Variants in STXBP5 observed in about 807,000 individuals in gnomAD.
STXBP5 encodes syntaxin-binding protein 5.
A neutral mutation model predicts 152.4 loss-of-function variants in STXBP5; 50 were observed. The ratio of observed to expected loss-of-function variants is 0.33; its 90% CI spans 0.26 to 0.42. The LOEUF is 0.42. Among genes scored for constraint, STXBP5 ranks in the 10% least tolerant of loss-of-function variants. The pLI is 1.00. For synonymous variants in STXBP5, 492 were observed against 494.7 expected (o/e 0.99, Z 0.07); for missense variants, 1,167 against 1,388.6 (o/e 0.84, Z 2.54).
At chr6:147,298,796 A>G (rs1781660533) in intron 9 of STXBP5, among the ~76,000 whole-genome samples, 2 of 152,060 alleles carry the variant, frequency 1.3e-5, no homozygotes, top group South Asian at 4.1e-4. Flanking sequence ...GGGAAAACAC[A>G]ATATACTGAG....
rs1156930757 is a variant in STXBP5, at chr6:147,386,679, A to G, written c.*1924A>G. ...ATAAATTGCTTAATTTGTGTTATCT[A>G]TTATCCAGTAAACCCATAGTTCCAT... On this transcript the variant is annotated 3_prime_UTR_variant, in exon 28 of 28. Coordinates refer to ENST00000321680, the MANE Select transcript of STXBP5 (RefSeq NM_001127715.4). The G allele has an allele frequency of 6.6e-6, 1 of 151,858 alleles. No homozygotes were observed. Among genetic ancestry groups the G allele is most frequent in the Non-Finnish European group, 1.5e-5 (1 of 67,806 alleles). 9.4% of individuals were successfully genotyped at this position (151,858 alleles called of 1,614,324 possible).
intron 9 of STXBP5, 80 bp from the exon 10 acceptor site, chr6:147,310,004 C>G: frequency 2.0e-6 from 2 of 1,013,512 alleles, no homozygotes; most frequent in Non-Finnish European, 2.7e-6. Context: ...TGTTATTTCA[C>G]TAAATTAAAA....
intron 4 of STXBP5, among the ~76,000 whole-genome samples, chr6:147,258,376 C>G (rs79790255): frequency 6.6e-6 from 1 of 152,172 alleles, no homozygotes. Context: ...TACCTTCTGT[C>G]TTGTCTGTCT....
intron 4 of STXBP5, among the ~76,000 whole-genome samples, chr6:147,241,613 T>A (rs1233457845): frequency 6.6e-6 from 1 of 152,178 alleles, no homozygotes; most frequent in East Asian, 1.9e-4. Flanking sequence ...TCCTATAGAT[T>A]AGGGATGTTA....
rs763556823 is a variant in STXBP5, at chr6:147,239,302, G to A, written c.431+32G>A. On this transcript the variant is annotated intron_variant, in intron 4 of 27. Coordinates refer to ENST00000321680, the MANE Select transcript of STXBP5 (RefSeq NM_001127715.4). ...ATTCTCCCAGTTATCTTATGTATAG[G>A]ATATTTACTATTATATTTTCTTGAA... 2.8e-5 allele frequency: 44 copies of A among 1,558,632 alleles called. 2 individuals are homozygous for A. In the East Asian group the frequency reaches 9.9e-4, roughly 35 times the overall value.
At chr6:147,239,944 C>A (rs997216593) in intron 4 of STXBP5, among the ~76,000 whole-genome samples, 13 of 143,606 alleles carry the variant, frequency 9.1e-5, no homozygotes, top group Admixed American at 7.0e-5. Context: ...TTGTGGTACT[C>A]TTTTTTTTTT....
intron 1 of STXBP5, among the ~76,000 whole-genome samples, chr6:147,205,220 A>G (rs954047442): frequency 6.6e-6 from 1 of 152,080 alleles, no homozygotes; most frequent in African/African-American, 2.4e-5. Flanking sequence ...ATGGCACGAT[A>G]ATTGCCATAG....
chr6:147,312,685 A>G (rs186617529), intron 11 of STXBP5, among the ~76,000 whole-genome samples: 333 of 152,292 alleles, frequency 2.2e-3, no homozygotes, highest in African/African-American at 7.4e-3. Flanking sequence ...GGTGAACAGT[A>G]TCATTTACCT....
At chr6:147,210,741 C>G (rs890138362) in intron 2 of STXBP5, among the ~76,000 whole-genome samples, 2 of 152,138 alleles carry the variant, frequency 1.3e-5, no homozygotes, top group Non-Finnish European at 2.9e-5. Context: ...AGGTTATTGT[C>G]ACGATTAAAT....
intron 26 of STXBP5, among the ~76,000 whole-genome samples, chr6:147,379,350 G>T (rs1049903836): frequency 2.6e-5 from 4 of 152,040 alleles, no homozygotes; most frequent in Admixed American, 2.0e-4. Context: ...TAAATCTTAA[G>T]AGAACATGTT....
At chr6:147,313,550 T>C (rs1440556032) in intron 11 of STXBP5, among the ~76,000 whole-genome samples, 2 of 152,188 alleles carry the variant, frequency 1.3e-5, no homozygotes, top group Non-Finnish European at 2.9e-5. Flanking sequence ...CTAGCAGGCA[T>C]GCTTTTGACA....
rs1436244246 is a variant in STXBP5, at chr6:147,314,244, A to C, written c.1294-20A>C. ...GTAGTATGCTTGCAAGTTGCTTTAT[A>C]CAGTCATCTTTTTTTATAGGAATGG... On this transcript the variant is annotated intron_variant, in intron 12 of 27. Transcript: ENST00000321680. 6.3e-7 allele frequency: 1 copy of C among 1,596,660 alleles called. No homozygotes were observed. The highest frequency in any genetic ancestry group is 1.1e-5 in the South Asian group (1 of 90,738).
chr6:147,234,904 A>G (rs1376431970), intron 2 of STXBP5, among the ~76,000 whole-genome samples: 3 of 152,048 alleles, frequency 2.0e-5, no homozygotes, highest in East Asian at 1.9e-4. Context: ...TGGATGTTCT[A>G]TAGATCCAAC....
intron 6 of STXBP5, among the ~76,000 whole-genome samples, chr6:147,264,917 CTCTT>C (rs201960099): frequency 0.022 from 3,341 of 152,118 alleles, 90 homozygotes; most frequent in African/African-American, 0.073. Context: ...AAGTTTAACC[CTCTT>C]AAGTTATTAA....
intron 9 of STXBP5, among the ~76,000 whole-genome samples, chr6:147,296,438 C>T (rs1781530180): frequency 6.6e-6 from 1 of 151,950 alleles, no homozygotes; most frequent in South Asian, 2.1e-4. Flanking sequence ...AGAACCAAAG[C>T]CAACACACCC....
In STXBP5 at chr6:147,334,797, A is replaced by C. The variant is rs542401649; in HGVS notation, c.2146+575A>C. Among the ~76,000 whole-genome samples the C allele has an allele frequency of 4.6e-5, 7 of 152,162 alleles. No homozygotes were observed. The South Asian group carries it at 1.5e-3, about 32-fold the overall frequency. ...ACCTCTTAAAATTAAGAAGATCTTG[A>C]ATTTATTTTATTTTGGTGGATTGAT... On this transcript the variant is annotated intron_variant, in intron 19 of 27. Transcript: ENST00000321680.
intron 10 of STXBP5, among the ~76,000 whole-genome samples, chr6:147,310,681 A>G (rs1288638869): frequency 1.3e-5 from 2 of 152,152 alleles, no homozygotes; most frequent in Admixed American, 6.6e-5. Flanking sequence ...TCTGAAATCT[A>G]TAGATTGAAA....
intron 7 of STXBP5, among the ~76,000 whole-genome samples, chr6:147,273,862 G>A (rs1780306952): frequency 6.6e-6 from 1 of 151,418 alleles, no homozygotes; most frequent in South Asian, 2.1e-4. Context: ...TGAGGCAGAA[G>A]AATGGCATGA....
rs199673982 is a variant in STXBP5, at chr6:147,296,223, G to GA, written c.917+5061dup. Among the ~76,000 whole-genome samples the GA allele has an allele frequency of 3.3e-3, 495 of 147,814 alleles. 2 individuals carry two copies. The highest frequency in any genetic ancestry group is 0.01 in the African/African-American group (420 of 40,240). On this transcript the variant is annotated intron_variant, in intron 9 of 27. Coordinates refer to ENST00000321680, the MANE Select transcript of STXBP5 (RefSeq NM_001127715.4). Reference sequence around the variant, plus strand: ...TGGCATGAACCTGTGCCTTCAGTAGGAAAAAAAAAAGCTCAGCAAACCTGC... The same window carrying GA: ...TGGCATGAACCTGTGCCTTCAGTAGGAAAAAAAAAAAGCTCAGCAAACCTGC...
Sources: gnomAD v4.1 joint callset for allele counts (sites outside exome capture counted in the v4.1 genomes callset) on GRCh38, gnomAD v4.1.1 for gene constraint, MANE v1.5 for transcripts, NCBI Gene and HGNC (gene_info 2026-07-23, HGNC 2026-07-21) for gene names.